PDE1C: variants seen among roughly 807,000 people sequenced by gnomAD.
PDE1C encodes dual specificity calcium/calmodulin-dependent 3',5'-cyclic nucleotide phosphodiesterase 1C.
Under a neutral mutation model 93.1 loss-of-function variants are expected in PDE1C, and 62 were observed. That is an observed-to-expected ratio of 0.67 (90% CI 0.54 to 0.82). PDE1C has a LOEUF of 0.82. PDE1C is among the 40% of genes least tolerant of loss of function. The probability of loss-of-function intolerance (pLI) is 0.00; values close to 1 mark genes in which losing one functional copy is unlikely to be tolerated. For synonymous variants in PDE1C, 325 were observed against 310.1 expected, an observed-to-expected ratio of 1.05 and a Z score of -0.50; for missense variants, 742 against 884.6, an observed-to-expected ratio of 0.84 and a Z score of 2.04.
At position 32,420,570 on chromosome 7, in the gene PDE1C, G is replaced by C. The variant is rs927109035; in HGVS notation, c.310+7252C>G. 2.7e-5 allele frequency among the ~76,000 whole-genome samples: 4 copies of C among 150,326 alleles called. No individual in the cohort carries two copies. In the East Asian group the frequency reaches 7.9e-4, roughly 30 times the overall value. On this transcript the variant is annotated intron_variant, in intron 1 of 1. Coordinates refer to the PDE1C transcript ENST00000672256. ...CTCCATCTCAAAAAAAAAAGGGGGGGTGGTAATAATAGTGCTTGTCTTAGC... is the reference window on the plus strand; with the variant it reads ...CTCCATCTCAAAAAAAAAAGGGGGGCTGGTAATAATAGTGCTTGTCTTAGC...
intron 1 of PDE1C, among the ~76,000 whole-genome samples, chr7:32,060,675 C>G (rs564878489): frequency 4.6e-5 from 7 of 152,030 alleles, no homozygotes; most frequent in Admixed American, 4.6e-4. Flanking sequence ...TGAAACTATG[C>G]CAAATCTCCC....
chr7:32,319,677 A>G (rs1783247546), intron 1 of PDE1C, among the ~76,000 whole-genome samples: 1 of 152,214 alleles, frequency 6.6e-6, no homozygotes, highest in Non-Finnish European at 1.5e-5. Context: ...TAATCTGCTC[A>G]AGGTCACAGA....
intron 16 of PDE1C, among the ~76,000 whole-genome samples, chr7:31,778,540 G>A (rs1397943345): frequency 6.6e-6 from 1 of 152,128 alleles, no homozygotes; most frequent in Non-Finnish European, 1.5e-5. Flanking sequence ...TAGTCATGAC[G>A]ATCATAAACA....
intron 2 of PDE1C, among the ~76,000 whole-genome samples, chr7:31,906,863 A>G (rs1023447574): frequency 6.6e-6 from 1 of 152,214 alleles, no homozygotes. Context: ...TGATGATTAC[A>G]CATAAAATAA....
At chr7:32,244,361 C>G (rs1808761261) in intron 1 of PDE1C, among the ~76,000 whole-genome samples, 1 of 152,126 alleles carries the variant, frequency 6.6e-6, no homozygotes. Flanking sequence ...GCCATGCAGC[C>G]AAAATCACAC....
At chr7:32,023,533 C>T (rs1472891247) in intron 2 of PDE1C, among the ~76,000 whole-genome samples, 1 of 151,986 alleles carries the variant, frequency 6.6e-6, no homozygotes, top group Non-Finnish European at 1.5e-5. Flanking sequence ...CCCAAACATC[C>T]TTCAGGGCAT....
chr7:32,200,462 C>T (rs1319408438), intron 2 of PDE1C, among the ~76,000 whole-genome samples: 1 of 152,170 alleles, frequency 6.6e-6, no homozygotes, highest in Non-Finnish European at 1.5e-5. Context: ...CCTTATTACC[C>T]CTCTATGCTA....
At chr7:31,884,311 C>A (rs1797620553) in intron 2 of PDE1C, among the ~76,000 whole-genome samples, 1 of 150,754 alleles carries the variant, frequency 6.6e-6, no homozygotes, top group Non-Finnish European at 1.5e-5. Context: ...CTAATGGAAA[C>A]AGAAGTGAAT....
the PDE1C span, among the ~76,000 whole-genome samples, chr7:31,625,328 T>C: frequency 3.3e-5 from 5 of 151,972 alleles, 1 homozygote; most frequent in African/African-American, 1.2e-4. Context: ...CACTCATATG[T>C]TTATTGCGGC....
the PDE1C span, among the ~76,000 whole-genome samples, chr7:31,685,285 C>T: frequency 6.6e-6 from 1 of 152,116 alleles, no homozygotes; most frequent in African/African-American, 2.4e-5. Flanking sequence ...GGGGGCATGG[C>T]TATATAACGG....
chr7:32,332,786 A>G (rs1470289702), intron 1 of PDE1C, among the ~76,000 whole-genome samples: 1 of 152,204 alleles, frequency 6.6e-6, no homozygotes, highest in Admixed American at 6.5e-5. Flanking sequence ...CCAAATGCAA[A>G]ATACAGTATT....
At chr7:31,696,869 C>T in the PDE1C span, 3 of 1,354,974 alleles carry the variant, frequency 2.2e-6, no homozygotes, top group Non-Finnish European at 3.0e-6. Context: ...GCTATATTGA[C>T]TGTCTTCACC....
chr7:31,816,244 A>G (rs1788249512), intron 14 of PDE1C, 90 bp from the exon 15 acceptor site: 1 of 1,188,258 alleles, frequency 8.4e-7, no homozygotes, highest in Admixed American at 2.2e-5. Flanking sequence ...CACAAAGAGT[A>G]TCTAAGGTGT....
At chr7:32,091,604 C>A (rs1797472058) in intron 3 of PDE1C, among the ~76,000 whole-genome samples, 1 of 152,088 alleles carries the variant, frequency 6.6e-6, no homozygotes, top group Non-Finnish European at 1.5e-5. Context: ...AGAAGTATGG[C>A]TGGTGGTTCA....
chr7:32,107,240 A>G lies in PDE1C; in HGVS notation c.308+62545T>C, dbSNP rs116652800. On this transcript the variant is annotated intron_variant, in intron 3 of 18. Coordinates refer to the PDE1C transcript ENST00000396193. Reference sequence around the variant, plus strand: ...GTAGCAAGAATACCAGCATGAGAAAAAGAGAAAGAGACAAAGAGAGACAGG... The same window carrying G: ...GTAGCAAGAATACCAGCATGAGAAAGAGAGAAAGAGACAAAGAGAGACAGG... Among the ~76,000 whole-genome samples, 232 of 145,264 alleles carry G rather than the reference A, an allele frequency of 1.6e-3. 1 individual carries two copies. Among genetic ancestry groups the G allele is most frequent in the African/African-American group, 5.4e-3 (222 of 40,808 alleles).
chr7:31,838,406 T>C (rs1378048409), intron 9 of PDE1C, among the ~76,000 whole-genome samples: 1 of 152,172 alleles, frequency 6.6e-6, no homozygotes, highest in Non-Finnish European at 1.5e-5. Context: ...GACAGAAAAA[T>C]TGAGCTTATA....
intron 1 of PDE1C, among the ~76,000 whole-genome samples, chr7:32,391,177 T>A (rs1784742240): frequency 2.0e-5 from 3 of 152,034 alleles, no homozygotes; most frequent in Admixed American, 2.0e-4. Flanking sequence ...ACTAAAAAGT[T>A]TAAAAATGGA....
chr7:31,719,209 C>G, the PDE1C span, among the ~76,000 whole-genome samples: 1 of 152,186 alleles, frequency 6.6e-6, no homozygotes, highest in African/African-American at 2.4e-5. Flanking sequence ...CTGGATTTCT[C>G]TCCTCCCTGA....
chr7:32,108,230 C>CAAAAAA (rs71559210), intron 3 of PDE1C, among the ~76,000 whole-genome samples: 6 of 77,046 alleles, frequency 7.8e-5, no homozygotes, highest in Admixed American at 3.1e-4. Context: ...AAAAGCAAGA[C>CAAAAAA]AAAAAAAAAA....
Sources: allele counts gnomAD v4.1 joint callset (sites outside exome capture counted in the v4.1 genomes callset), GRCh38; gene constraint gnomAD v4.1.1; transcripts MANE v1.5; gene names NCBI Gene and HGNC (gene_info 2026-07-23, HGNC 2026-07-21).